Variants in SHISA6 observed in about 807,000 individuals in gnomAD.
SHISA6 encodes the protein shisa family member 6.
In SHISA6, 22 loss-of-function variants were observed where a neutral mutation model predicts 47.9. The observed-to-expected ratio is 0.46, with a 90% CI of 0.33 to 0.66. SHISA6 has a LOEUF of 0.66. Among genes scored for constraint, SHISA6 ranks in the 30% least tolerant of loss-of-function variants. The pLI, the probability that SHISA6 is intolerant of heterozygous loss-of-function variation, is 0.02. For missense variants in SHISA6, 680 were observed against 764.6 expected (o/e 0.89, Z 1.30); for synonymous variants, 388 against 337.8 (o/e 1.15, Z -1.63).
intron 1 of SHISA6, among the ~76,000 whole-genome samples, chr17:11,252,373 G>A (rs1215900589): frequency 6.6e-6 from 1 of 152,152 alleles, no homozygotes; most frequent in Non-Finnish European, 1.5e-5. Context: ...CATATTCGTT[G>A]TTCCCTTAGC....
chr17:11,332,590 G>A (rs1911159478), intron 2 of SHISA6, among the ~76,000 whole-genome samples: 1 of 152,146 alleles, frequency 6.6e-6, no homozygotes, highest in Non-Finnish European at 1.5e-5. Flanking sequence ...GGAGAGAACC[G>A]TGAGCCTGTC....
Position 11,557,800 on chromosome 17 carries a change from C to T in SHISA6, c.1152C>T (p.Pro384=), listed in dbSNP as rs909349933. The T allele has an allele frequency of 1.4e-5, 21 of 1,551,038 alleles. No individual in the cohort carries two copies. Among genetic ancestry groups the T allele is most frequent in the Admixed American group, 1.2e-4 (6 of 50,920 alleles). The change falls in exon 6 of 6, where the codon CCC becomes CCT. Residue 384 remains proline (P), a synonymous_variant. Coordinates refer to ENST00000441885, the MANE Select transcript of SHISA6 (RefSeq NM_207386.4). ...ATTACATGAGACGGCGGCACCTGCC[C>T]GACCTGGCTGCCCGCGGCACCCTCC... The part of the protein sequence containing the change: ...DEYYMRRRHL[P]DLAARGTLPL...
chr17:11,392,027 A>C (rs1567593104), intron 3 of SHISA6, among the ~76,000 whole-genome samples: 1 of 152,196 alleles, frequency 6.6e-6, no homozygotes, highest in Non-Finnish European at 1.5e-5. Flanking sequence ...GATTGTTCGT[A>C]GTTCATACCT....
At chr17:11,364,764 A>C (rs1053711179) in intron 2 of SHISA6, among the ~76,000 whole-genome samples, 1 of 152,240 alleles carries the variant, frequency 6.6e-6, no homozygotes, top group African/African-American at 2.4e-5. Context: ...TATCTTCAGA[A>C]CAAACTACCA....
intron 3 of SHISA6, among the ~76,000 whole-genome samples, chr17:11,523,910 G>A (rs2071652936): frequency 6.6e-6 from 1 of 152,066 alleles, no homozygotes; most frequent in African/African-American, 2.4e-5. Context: ...GGAGGCTGAG[G>A]CAGGAGAATC....
chr17:11,530,391 A>G (rs73286886), intron 3 of SHISA6, among the ~76,000 whole-genome samples: 2,812 of 152,342 alleles, frequency 0.018, 85 homozygotes, highest in African/African-American at 0.063. Flanking sequence ...TCACTGAAAA[A>G]GCACATCTCA....
At chr17:11,409,093 A>G (rs1026254734) in intron 3 of SHISA6, among the ~76,000 whole-genome samples, 1 of 152,202 alleles carries the variant, frequency 6.6e-6, no homozygotes, top group Non-Finnish European at 1.5e-5. Context: ...TCTCAGAAAT[A>G]ATTAATTTGA....
chr17:11,471,530 C>T (rs1915935310), intron 3 of SHISA6, among the ~76,000 whole-genome samples: 2 of 152,194 alleles, frequency 1.3e-5, no homozygotes, highest in African/African-American at 2.4e-5. Context: ...CCAGCTTCCT[C>T]TCATCTTTCA....
chr17:11,563,626 A>G lies in SHISA6; in HGVS notation c.*5322A>G, dbSNP rs2072066295. 1 of 152,164 alleles carries G rather than the reference A, an allele frequency of 6.6e-6. No homozygotes were observed. Among genetic ancestry groups the G allele is most frequent in the Non-Finnish European group, 1.5e-5 (1 of 68,030 alleles). 9.4% of individuals were successfully genotyped at this position (152,164 alleles called of 1,614,324 possible). On this transcript the variant is annotated 3_prime_UTR_variant, in exon 6 of 6. Coordinates refer to ENST00000441885, the MANE Select transcript of SHISA6 (RefSeq NM_207386.4). ...GGGAGGACTCATTCATTGGCTTTGTAGTGGCAAATATTCCTCTAGTTCTAT... is the reference window on the plus strand; with the variant it reads ...GGGAGGACTCATTCATTGGCTTTGTGGTGGCAAATATTCCTCTAGTTCTAT...
chr17:11,304,874 G>C (rs1203842717), intron 2 of SHISA6, among the ~76,000 whole-genome samples: 1 of 152,166 alleles, frequency 6.6e-6, no homozygotes, highest in Non-Finnish European at 1.5e-5. Context: ...ACCTCTTCCT[G>C]CTGGGCTTCT....
At chr17:11,409,227 G>C (rs1914045428) in intron 3 of SHISA6, among the ~76,000 whole-genome samples, 1 of 152,124 alleles carries the variant, frequency 6.6e-6, no homozygotes, top group African/African-American at 2.4e-5. Flanking sequence ...AATTAAGTCA[G>C]ACAGTAACTA....
intron 1 of SHISA6, 148 bp downstream of exon 1, chr17:11,242,208 C>G (rs1033173599): frequency 8.8e-7 from 1 of 1,136,110 alleles, no homozygotes; most frequent in South Asian, 1.4e-5. Flanking sequence ...TGCAATAAAT[C>G]AGGGTCTTCT....
intron 3 of SHISA6, among the ~76,000 whole-genome samples, chr17:11,535,171 G>C (rs1443934920): frequency 1.3e-5 from 2 of 152,010 alleles, no homozygotes; most frequent in African/African-American, 4.8e-5. Context: ...AGAAGGCTAT[G>C]GTGCAGGAAA....
At chr17:11,482,585 G>A (rs9904070) in intron 3 of SHISA6, among the ~76,000 whole-genome samples, 120 of 152,228 alleles carry the variant, frequency 7.9e-4, no homozygotes, top group African/African-American at 2.6e-3. Flanking sequence ...CAAGACTATC[G>A]CATTGCTAGT....
intron 2 of SHISA6, among the ~76,000 whole-genome samples, chr17:11,341,272 C>A (rs1423080996): frequency 1.3e-5 from 2 of 151,266 alleles, no homozygotes; most frequent in Non-Finnish European, 2.9e-5. Flanking sequence ...CTTGTACTCA[C>A]TGATTATCCT....
chr17:11,408,405 G>A (rs897645204), intron 3 of SHISA6, among the ~76,000 whole-genome samples: 4 of 152,202 alleles, frequency 2.6e-5, no homozygotes, highest in African/African-American at 7.2e-5. Context: ...GATCAGCAGT[G>A]TGTGTTTTAA....
chr17:11,398,497 T>G (rs148528441), intron 3 of SHISA6, among the ~76,000 whole-genome samples: 2 of 152,200 alleles, frequency 1.3e-5, no homozygotes, highest in African/African-American at 4.8e-5. Context: ...TTGAGTTGCA[T>G]GTAATCAATA....
In SHISA6 at chr17:11,560,356, C is replaced by T. The variant is rs1352462600; in HGVS notation, c.*2052C>T. On this transcript the variant is annotated 3_prime_UTR_variant, in exon 6 of 6. Coordinates refer to ENST00000441885, the MANE Select transcript of SHISA6 (RefSeq NM_207386.4). ...GGCCAGGGACTACCCTCTCTGCTTT[C>T]CTCCCAACAGACACATAAACCTTCT... 2 of 152,362 alleles carry T rather than the reference C, an allele frequency of 1.3e-5. No individual in the cohort carries two copies. Among genetic ancestry groups the T allele is most frequent in the East Asian group, 3.9e-4 (2 of 5,194 alleles). 9.4% of individuals were successfully genotyped at this position (152,362 alleles called of 1,614,324 possible). A position where few individuals can be genotyped will look rare whatever the true frequency, so the allele number is the denominator to read the frequency against.
At chr17:11,465,246 A>G (rs1915781009) in intron 3 of SHISA6, among the ~76,000 whole-genome samples, 1 of 152,012 alleles carries the variant, frequency 6.6e-6, no homozygotes, top group African/African-American at 2.4e-5. Context: ...ACTGAATCCT[A>G]CAAGGCCACC....
Sources: allele counts gnomAD v4.1 joint callset (sites outside exome capture counted in the v4.1 genomes callset), GRCh38; gene constraint gnomAD v4.1.1; transcripts MANE v1.5; gene names NCBI Gene and HGNC (gene_info 2026-07-23, HGNC 2026-07-21).